The following TNKS1BP1 variants were observed in gnomAD, a reference collection of about 807,000 sequenced individuals.
TNKS1BP1 encodes CCR4-NOT transcription complex subunit 12, also known as 182 kDa tankyrase-1-binding protein.
Under a neutral mutation model 141.1 loss-of-function variants are expected in TNKS1BP1, and 48 were observed. The observed-to-expected ratio is 0.34, with a 90% confidence interval of 0.27 to 0.43. The LOEUF is 0.43. Among genes scored for constraint, TNKS1BP1 ranks in the 20% least tolerant of loss-of-function variants. The pLI is 1.00. For synonymous variants in TNKS1BP1, 875 were observed against 898.2 expected, an observed-to-expected ratio of 0.97 and a Z score of 0.46; for missense variants, 2,149 against 2,226.0, an observed-to-expected ratio of 0.97 and a Z score of 0.70.
rs1249764832 is a variant in TNKS1BP1, at chr11:57,313,612, T to C, written c.1076A>G (p.Glu359Gly). 1.9e-6 allele frequency: 3 copies of C among 1,594,028 alleles called. No individual in the cohort carries two copies. Among genetic ancestry groups the C allele is most frequent in the Non-Finnish European group, 2.6e-6 (3 of 1,170,472 alleles). ...GGGTCTGGGGGCCTCTGGAGCCCCC[T>C]CGGCAGGGAGCCCCGGGCTGGGGGT... ...RHTPSPGLPA[E>G]GAPEAPRPSS... The change falls in exon 5 of 12, where the codon GAG becomes GGG. Residue 359 changes from glutamate to glycine, a missense_variant. Physicochemically the swap from Glu to Gly is moderately conservative, Grantham distance 98. Coordinates refer to ENST00000358252, the MANE Select transcript of TNKS1BP1 (RefSeq NM_033396.3).
rs139341844 is a variant in TNKS1BP1 at position 57,313,204 on chromosome 11, G to A, written c.1484C>T (p.Pro495Leu). The A allele has an allele frequency of 1.5e-4, 234 of 1,612,382 alleles. No individual in the cohort carries two copies. Among genetic ancestry groups the A allele is most frequent in the South Asian group, 1.0e-3 (94 of 91,080 alleles). ...GGCTTCAGTGATGGGGGAGGGAGGC[G>A]GGGAGTCCAGCCGCCACACGCCCAG... Reference protein sequence around the residue: ...SGLGVWRLDSPPPSPITEASE... With the variant: ...SGLGVWRLDSLPPSPITEASE... Residue 495 changes from proline (P) to leucine (L), a missense_variant, in exon 5 of 12, where the codon CCG becomes CTG. Transcript: ENST00000358252.
chr11:57,309,719 A>G lies in TNKS1BP1; in HGVS notation c.2992T>C (p.Phe998Leu). The G allele has an allele frequency of 6.2e-7, 1 of 1,614,102 alleles. No individual in the cohort carries two copies. The highest frequency in any genetic ancestry group is 1.1e-5 in the South Asian group (1 of 91,078). ...TCCACACTTGGAATCTTCTTCTCAA[A>G]TTCCTCATCCTGTTGCTGGGCTTCC... ...PEEAQQQDEE[F>L]EKKIPSVEDS... Residue 998 changes from phenylalanine to leucine, a missense_variant, in exon 6 of 12, where the codon TTT becomes CTT. Transcript: ENST00000358252. The surrounding 1 kb of genome is among the most constrained non-coding windows in gnomAD (Gnocchi z 4.3).
At chr11:57,321,206 C>T (rs980645709) in intron 2 of TNKS1BP1, among the ~76,000 whole-genome samples, 1 of 152,116 alleles carries the variant, frequency 6.6e-6, no homozygotes, top group Non-Finnish European at 1.5e-5. Flanking sequence ...GCTGCCTCCT[C>T]CCCCACCCAC....
At position 57,302,271 on chromosome 11, in the gene TNKS1BP1, C is replaced by T. The variant is rs374947474; in HGVS notation, c.4684-47G>A. 65 of 1,580,828 alleles carry T rather than the reference C, an allele frequency of 4.1e-5. No individual in the cohort carries two copies. The highest frequency in any genetic ancestry group is 1.6e-4 in the African/African-American group (12 of 74,340). On this transcript the variant is annotated intron_variant, in intron 7 of 11. Transcript: ENST00000358252. This position sits in a 1 kb window ranked among gnomAD's most constrained non-coding sequence, Gnocchi z 5.5. ...CCACTGCCATTGCTGCCTCATCCCA[C>T]GGGAGCCCCTCAACAGTAGCTGACC...
At chr11:57,321,654 T>C in intron 2 of TNKS1BP1, 138 bp downstream of exon 2, 3 of 960,166 alleles carry the variant, frequency 3.1e-6, no homozygotes, top group Admixed American at 5.7e-5. Context: ...TTCAAACTCA[T>C]CCTGTACTGC....
rs201680603 is a variant in TNKS1BP1 at position 57,310,440 on chromosome 11, G to A, written c.2271C>T (p.Gly757=). ...CTCCTCTAGGGCTTGCACCCCCAAG[G>A]CCATAGTCCTGAGAAGCACCTTGAC... ...SWCQGASQDY[G]LGGASPRGDP... Residue 757 remains glycine, a synonymous_variant, in exon 6 of 12, where the codon GGC becomes GGT. Transcript: ENST00000358252. The A allele has an allele frequency of 1.7e-4, 277 of 1,613,630 alleles. No homozygotes were observed. The highest frequency in any genetic ancestry group is 2.3e-4 in the Non-Finnish European group (267 of 1,180,034).
chr11:57,319,760 A>G (rs1220840271), intron 3 of TNKS1BP1, among the ~76,000 whole-genome samples: 2 of 114,902 alleles, frequency 1.7e-5, no homozygotes, highest in Non-Finnish European at 3.5e-5. Flanking sequence ...AGAGCAAAAC[A>G]CCATCTCAAA....
chr11:57,305,954 C>T (rs368298925), intron 6 of TNKS1BP1, among the ~76,000 whole-genome samples: 1 of 152,148 alleles, frequency 6.6e-6, no homozygotes, highest in Admixed American at 6.5e-5. Context: ...ACAAAGGGAA[C>T]CTCCAAAATT....
intron 6 of TNKS1BP1, among the ~76,000 whole-genome samples, chr11:57,306,916 T>G (rs184331141): frequency 0.28 from 3,060 of 11,090 alleles, 49 homozygotes; most frequent in Non-Finnish European, 0.31. Context: ...GGGGGGGGGT[T>G]GGGTGGGAGG....
At chr11:57,322,831 T>C (rs529576560) in intron 1 of TNKS1BP1, among the ~76,000 whole-genome samples, 2 of 152,234 alleles carry the variant, frequency 1.3e-5, no homozygotes, top group South Asian at 2.1e-4. Context: ...CCACAGCCTA[T>C]GTATGAAAAG....
intron 9 of TNKS1BP1, 104 bp downstream of exon 9, chr11:57,301,703 G>T (rs1230443896): frequency 6.9e-7 from 1 of 1,458,586 alleles, no homozygotes. Context: ...GAATGGGAGA[G>T]GGGGACAGGG....
Position 57,313,642 on chromosome 11 carries a change from C to A in TNKS1BP1, c.1046G>T (p.Arg349Leu). The change falls in exon 5 of 12, where the codon CGC (arginine) becomes CTC (leucine). Residue 349 changes from arginine (R) to leucine (L), a missense_variant. Coordinates refer to ENST00000358252, the MANE Select transcript of TNKS1BP1 (RefSeq NM_033396.3). ...AGGGAGCCCCGGGCTGGGGGTGTGG[C>A]GGGAGCCCTCGTCAGGCAGGGCTGC... ...PSAALPDEGS[R>L]HTPSPGLPAE... 1 of 1,560,116 alleles carries A rather than the reference C, an allele frequency of 6.4e-7. No individual in the cohort carries two copies. Among genetic ancestry groups the A allele is most frequent in the Non-Finnish European group, 8.7e-7 (1 of 1,152,362 alleles).
rs764546037 is a variant in TNKS1BP1 at position 57,310,033 on chromosome 11, G to T, written c.2678C>A (p.Ser893Tyr). ...LGDWEFGKRD[S>Y]LGAYASQDAN... ...ATCTTGGCTGGCATAAGCACCCAGA[G>T]AATCTCTCTTCCCAAATTCCCAGTC... is the stretch of plus-strand genomic sequence containing the variant. The change falls in exon 6 of 12, where the codon TCT becomes TAT. Residue 893 changes from serine to tyrosine, a missense_variant. Ser to Tyr is a moderately radical substitution (Grantham distance 144). Transcript: ENST00000358252. The T allele has an allele frequency of 6.2e-7, 1 of 1,614,178 alleles. No individual in the cohort carries two copies. Among genetic ancestry groups the T allele is most frequent in the South Asian group, 1.1e-5 (1 of 91,082 alleles).
chr11:57,302,913 C>T lies in TNKS1BP1; in HGVS notation c.4317-88G>A. On this transcript the variant is annotated intron_variant, in intron 6 of 11. Coordinates refer to ENST00000358252, the MANE Select transcript of TNKS1BP1 (RefSeq NM_033396.3). This position sits in a 1 kb window ranked among gnomAD's most constrained non-coding sequence, Gnocchi z 5.5. ...TACTTCACAAGCTCCTTCCCCCAGC[C>T]CCCAAACTCTCCCTTGCCCTCCTTC... is the stretch of plus-strand genomic sequence containing the variant. The T allele has an allele frequency of 1.4e-6, 2 of 1,400,020 alleles. No individual in the cohort carries two copies. The highest frequency in any genetic ancestry group is 1.9e-6 in the Non-Finnish European group (2 of 1,069,446). 86.7% of individuals were successfully genotyped at this position (1,400,020 alleles called of 1,614,324 possible).
intron 5 of TNKS1BP1, chr11:57,311,097 C>T (rs1226432058): frequency 1.3e-5 from 5 of 397,350 alleles, no homozygotes; most frequent in Admixed American, 6.4e-5. Flanking sequence ...GCCAAAGTGC[C>T]GTCTGCTCAA....
rs1430178865 is a variant in TNKS1BP1, at chr11:57,302,722, C to G, written c.4420G>C (p.Ala1474Pro). 1 of 1,597,348 alleles carries G rather than the reference C, an allele frequency of 6.3e-7. No individual in the cohort carries two copies. The highest frequency in any genetic ancestry group is 8.5e-7 in the Non-Finnish European group (1 of 1,175,710). The change falls in exon 7 of 12, where the codon GCG (alanine) becomes CCG (proline). Residue 1474 changes from alanine (A) to proline (P), a missense_variant. Ala to Pro is a conservative substitution (Grantham distance 27). Transcript: ENST00000358252. This position sits in a 1 kb window ranked among gnomAD's most constrained non-coding sequence, Gnocchi z 5.5. ...AACAGGCCCCCAAGGCCCGAGGCCGCTGACTCCCTCCGAGCCACCGCCTTG... is the reference window on the plus strand; with the variant it reads ...AACAGGCCCCCAAGGCCCGAGGCCGGTGACTCCCTCCGAGCCACCGCCTTG... ...SSKAVARRESAASGLGGLLEE... is the reference protein window; with the variant it reads ...SSKAVARRESPASGLGGLLEE...
At chr11:57,324,799 A>G in intron 1 of TNKS1BP1, 41 bp downstream of exon 1, 1 of 975,904 alleles carries the variant, frequency 1.0e-6, no homozygotes, top group Non-Finnish European at 1.2e-6. Flanking sequence ...CCCATCCCGG[A>G]CCCCGCCCCC....
intron 4 of TNKS1BP1, 125 bp from the exon 5 acceptor site, chr11:57,314,014 A>AG (rs1446020509): frequency 1.8e-6 from 2 of 1,129,936 alleles, no homozygotes; most frequent in African/African-American, 1.6e-5. Context: ...CTGGAACCCG[A>AG]GGGGGTCCTC....
intron 4 of TNKS1BP1, among the ~76,000 whole-genome samples, chr11:57,317,316 T>C (rs894307156): frequency 6.6e-6 from 1 of 151,912 alleles, no homozygotes; most frequent in Admixed American, 6.6e-5. Flanking sequence ...AGAACGGGAG[T>C]ATGATGGGAA....
Sources: gnomAD v4.1 joint callset for allele counts (sites outside exome capture counted in the v4.1 genomes callset) on GRCh38, gnomAD v4.1.1 for gene constraint, Gnocchi (gnomAD v3.1) non-coding constraint, MANE v1.5 for transcripts, NCBI Gene and HGNC (gene_info 2026-07-23, HGNC 2026-07-21) for gene names.